Variants in BICC1 observed in about 807,000 individuals in gnomAD.
BICC1 encodes the protein BicC family RNA binding protein 1.
In BICC1, 43 loss-of-function variants were observed where a neutral mutation model predicts 111.0. That is an observed-to-expected ratio of 0.39 (90% confidence interval 0.30 to 0.50). BICC1 has a LOEUF of 0.50. Among genes scored for constraint, BICC1 ranks in the 20% least tolerant of loss-of-function variants. BICC1 has a pLI of 0.88. For missense variants in BICC1, 1,091 were observed against 1,203.2 expected, an observed-to-expected ratio of 0.91 and a Z score of 1.38; for synonymous variants, 467 against 434.4, an observed-to-expected ratio of 1.07 and a Z score of -0.93.
intron 2 of BICC1, among the ~76,000 whole-genome samples, chr10:58,669,022 G>A (rs1362775978): frequency 6.6e-6 from 1 of 152,054 alleles, no homozygotes; most frequent in African/African-American, 2.4e-5. Context: ...TATAGTAAGA[G>A]AAACTAATAT....
At chr10:58,699,977 C>T (rs116167094) in intron 2 of BICC1, among the ~76,000 whole-genome samples, 1,936 of 152,336 alleles carry the variant, frequency 0.013, 44 homozygotes, top group African/African-American at 0.045. Context: ...TAGGCATGAG[C>T]TACTGCATGC....
chr10:58,512,393 G>C (rs776906540), upstream of BICC1, among the ~76,000 whole-genome samples: 8 of 152,100 alleles, frequency 5.3e-5, no homozygotes, highest in Non-Finnish European at 1.2e-4. Context: ...GAACCAACTG[G>C]GGCTGTGAGT....
chr10:58,624,444 C>T (rs1588943363), intron 2 of BICC1, among the ~76,000 whole-genome samples: 2 of 152,128 alleles, frequency 1.3e-5, no homozygotes, highest in South Asian at 2.1e-4. Context: ...CATTTTGATA[C>T]TCAGTCTGAT....
intron 1 of BICC1, among the ~76,000 whole-genome samples, chr10:58,608,383 C>T (rs796341581): frequency 6.6e-6 from 1 of 152,274 alleles, no homozygotes; most frequent in African/African-American, 2.4e-5. Flanking sequence ...TCCTTCTAGG[C>T]ACAGGTGCTA....
chr10:58,616,438 G>A (rs1363878314), intron 1 of BICC1, among the ~76,000 whole-genome samples: 1 of 152,210 alleles, frequency 6.6e-6, no homozygotes, highest in Admixed American at 6.5e-5. Flanking sequence ...TGCACAACCT[G>A]GTCCCACCTG....
At chr10:58,756,414 A>G (rs1481274381) in intron 3 of BICC1, among the ~76,000 whole-genome samples, 1 of 152,128 alleles carries the variant, frequency 6.6e-6, no homozygotes, top group African/African-American at 2.4e-5. Context: ...TTTGCCTCCC[A>G]AAGGTTTGTC....
intron 1 of BICC1, among the ~76,000 whole-genome samples, chr10:58,616,179 C>A (rs191731620): frequency 3.3e-5 from 5 of 152,242 alleles, no homozygotes; most frequent in Admixed American, 3.3e-4. Flanking sequence ...CAGCTGGAGA[C>A]CCCCACTCTG....
chr10:58,712,221 A>C (rs1840599005), intron 3 of BICC1, among the ~76,000 whole-genome samples: 1 of 152,218 alleles, frequency 6.6e-6, no homozygotes, highest in South Asian at 2.1e-4. Context: ...GAGAATGTGG[A>C]GCCATAGGAA....
chr10:58,822,832 A>T (rs894679120), intron 20 of BICC1, among the ~76,000 whole-genome samples: 1 of 152,164 alleles, frequency 6.6e-6, no homozygotes, highest in Non-Finnish European at 1.5e-5. Context: ...ATAGCTGGGC[A>T]GTCTGAACTC....
chr10:58,513,510 C>T (rs981947396), intron 1 of BICC1, among the ~76,000 whole-genome samples, 177 bp downstream of exon 1: 3 of 152,232 alleles, frequency 2.0e-5, no homozygotes, highest in Admixed American at 6.5e-5. Flanking sequence ...CGGGACTCCC[C>T]ACCCTTCCAC....
intron 3 of BICC1, among the ~76,000 whole-genome samples, chr10:58,704,179 C>G (rs1265117601): frequency 6.6e-6 from 1 of 152,192 alleles, no homozygotes; most frequent in Non-Finnish European, 1.5e-5. Flanking sequence ...GGCATAATTT[C>G]CACCTGGTTA....
At chr10:58,720,007 T>A (rs1840890074) in intron 3 of BICC1, among the ~76,000 whole-genome samples, 1 of 152,132 alleles carries the variant, frequency 6.6e-6, no homozygotes, top group African/African-American at 2.4e-5. Flanking sequence ...TAAACATCCC[T>A]CTCTTATGAC....
chr10:58,636,699 A>G (rs2132194561), intron 2 of BICC1, among the ~76,000 whole-genome samples: 1 of 152,300 alleles, frequency 6.6e-6, no homozygotes, highest in African/African-American at 2.4e-5. Context: ...AAGAATACTG[A>G]ACTAGGAGCC....
At chr10:58,639,567 G>GTTTTTTTT (rs141399509) in intron 2 of BICC1, among the ~76,000 whole-genome samples, 1 of 89,946 alleles carries the variant, frequency 1.1e-5, no homozygotes, top group Non-Finnish European at 2.2e-5. Flanking sequence ...CCAGCTAATT[G>GTTTTTTTT]TTTTTTTTTT....
Position 58,796,459 on chromosome 10 carries a change from C to T in BICC1, c.1299C>T (p.Cys433=). 6.2e-7 allele frequency: 1 copy of T among 1,614,144 alleles called. No individual in the cohort carries two copies. Among genetic ancestry groups the T allele is most frequent in the Non-Finnish European group, 8.5e-7 (1 of 1,180,010 alleles). The part of the protein sequence containing the change: ...TIATSPSPAS[C]PAGLACPSLD... ...CAACCAGTCCATCCCCAGCATCCTG[C>T]CCTGCCGGCCTGGCATGTCCCAGCC... The change falls in exon 10 of 21, where the codon TGC becomes TGT. Residue 433 remains cysteine (C), a synonymous_variant. Transcript: ENST00000373886.
intron 3 of BICC1, among the ~76,000 whole-genome samples, chr10:58,703,744 A>C (rs1589041293): frequency 6.6e-6 from 1 of 152,294 alleles, no homozygotes; most frequent in East Asian, 1.9e-4. Flanking sequence ...AATAAATTGG[A>C]ACTTGAACAT....
chr10:58,666,608 A>G (rs1039748236), intron 2 of BICC1, among the ~76,000 whole-genome samples: 1 of 152,176 alleles, frequency 6.6e-6, no homozygotes, highest in Non-Finnish European at 1.5e-5. Flanking sequence ...TTTTCATTCA[A>G]GTGTATATAT....
At chr10:58,518,596 G>A (rs535423562) in intron 1 of BICC1, among the ~76,000 whole-genome samples, 3 of 139,412 alleles carry the variant, frequency 2.2e-5, no homozygotes, top group Non-Finnish European at 3.1e-5. Context: ...GTGTTGGGGG[G>A]GGGGGGGTGT....
intron 1 of BICC1, among the ~76,000 whole-genome samples, chr10:58,537,687 A>C (rs985715655): frequency 6.6e-6 from 1 of 151,816 alleles, no homozygotes; most frequent in African/African-American, 2.4e-5. Context: ...GAGGAAGTCA[A>C]ACTTATGTCT....
Sources: gnomAD v4.1 joint callset for allele counts (sites outside exome capture counted in the v4.1 genomes callset) on GRCh38, gnomAD v4.1.1 for gene constraint, MANE v1.5 for transcripts, NCBI Gene and HGNC (gene_info 2026-07-23, HGNC 2026-07-21) for gene names.